Variants in ICE1 observed in about 807,000 individuals in gnomAD.
ICE1 encodes the protein little elongation complex subunit 1.
Under a neutral mutation model 192.7 loss-of-function variants are expected in ICE1, and 64 were observed. The ratio of observed to expected loss-of-function variants is 0.33; its 90% CI spans 0.27 to 0.41. The LOEUF is 0.41. ICE1 is among the 10% of genes least tolerant of loss of function. The pLI is 1.00. For missense variants in ICE1, 2,708 were observed against 2,696.0 expected (o/e 1.00, Z -0.10); for synonymous variants, 1,010 against 984.5 (o/e 1.03, Z -0.49).
Position 5,461,424 on chromosome 5 carries a change from A to G in ICE1, c.2090A>G (p.Asn697Ser). The G allele has an allele frequency of 6.2e-7, 1 of 1,614,042 alleles. No homozygotes were observed. The highest frequency in any genetic ancestry group is 8.5e-7 in the Non-Finnish European group (1 of 1,179,904). The change falls in exon 13 of 19, where the codon AAC (asparagine) becomes AGC (serine). Residue 697 changes from asparagine to serine, a missense_variant. Physicochemically the swap from Asn to Ser is conservative, Grantham distance 46. Coordinates refer to ENST00000296564, the MANE Select transcript of ICE1 (RefSeq NM_015325.3). The part of the protein sequence containing the change: ...SEPPECSIGG[N>S]NLENSLCALS... ...CCACCGGAGTGTTCTATAGGAGGAAACAACTTGGAGAATAGCTTGTGTGCC... is the reference window on the plus strand; with the variant it reads ...CCACCGGAGTGTTCTATAGGAGGAAGCAACTTGGAGAATAGCTTGTGTGCC...
rs75343850 is a variant in ICE1, at chr5:5,424,724, G to A, written c.84+1725G>A. ...GGAGTCCTGGAACGTTTATATTGGA[G>A]CAAAGGTGAGAGAATAATAAGCTCT... On this transcript the variant is annotated intron_variant, in intron 1 of 18. Coordinates refer to ENST00000296564, the MANE Select transcript of ICE1 (RefSeq NM_015325.3). Among the ~76,000 whole-genome samples the A allele has an allele frequency of 4.8e-3, 737 of 152,312 alleles. 5 individuals are homozygous for A. The highest frequency in any genetic ancestry group is 0.017 in the African/African-American group (688 of 41,556).
chr5:5,488,424 C>T (rs1398747075), intron 18 of ICE1, among the ~76,000 whole-genome samples: 2 of 152,098 alleles, frequency 1.3e-5, no homozygotes, highest in Admixed American at 6.5e-5. Flanking sequence ...TGAGTATTTC[C>T]TTTGTGGGTC....
At chr5:5,441,006 CT>C (rs1033919195) in intron 4 of ICE1, 105 bp from the exon 5 acceptor site, 234 of 666,744 alleles carry the variant, frequency 3.5e-4, no homozygotes, top group South Asian at 5.2e-4. Context: ...CTTTTTCATC[CT>C]TTTTTTTGTT....
intron 18 of ICE1, 118 bp downstream of exon 18, chr5:5,486,937 A>G (rs1286534457): frequency 1.4e-5 from 9 of 624,700 alleles, no homozygotes; most frequent in East Asian, 5.8e-5. Flanking sequence ...CTCATAGATT[A>G]GGGAATATTT....
chr5:5,456,566 G>T (rs548670990), intron 11 of ICE1, among the ~76,000 whole-genome samples: 83 of 152,050 alleles, frequency 5.5e-4, no homozygotes, highest in Non-Finnish European at 8.5e-4. Context: ...TTGGCTCTGG[G>T]TCCTTCATAA....
chr5:5,470,321 C>A (rs1739123157), intron 15 of ICE1, among the ~76,000 whole-genome samples: 1 of 152,216 alleles, frequency 6.6e-6, no homozygotes, highest in South Asian at 2.1e-4. Context: ...TCTGTCCAGC[C>A]TGCTTCTGCT....
intron 10 of ICE1, among the ~76,000 whole-genome samples, chr5:5,448,123 G>T (rs530039596): frequency 6.6e-6 from 1 of 152,244 alleles, no homozygotes; most frequent in Middle Eastern, 3.4e-3. Context: ...TATTGTTTGG[G>T]ATAGGAAAAC....
intron 15 of ICE1, 73 bp from the exon 16 acceptor site, chr5:5,473,485 C>G: frequency 7.7e-7 from 1 of 1,302,254 alleles, no homozygotes; most frequent in Non-Finnish European, 1.1e-6. Flanking sequence ...TTATTATAGT[C>G]TTTTAGATAA....
rs541618073 is a variant in ICE1, at chr5:5,449,455, C to T, written c.604+1558C>T. 5.8e-4 allele frequency among the ~76,000 whole-genome samples: 87 copies of T among 148,864 alleles called. 2 individuals carry two copies. The highest frequency in any genetic ancestry group is 1.7e-3 in the African/African-American group (70 of 40,860). ...TCTTTAAAATTCCAACAAAAATTTTCGACCGGAAAAAAAAAAAACAAAAAC... is the reference window on the plus strand; with the variant it reads ...TCTTTAAAATTCCAACAAAAATTTTTGACCGGAAAAAAAAAAAACAAAAAC... On this transcript the variant is annotated intron_variant, in intron 10 of 18. Coordinates refer to ENST00000296564, the MANE Select transcript of ICE1 (RefSeq NM_015325.3).
chr5:5,423,325 C>T (rs971133230), intron 1 of ICE1, among the ~76,000 whole-genome samples: 1 of 152,080 alleles, frequency 6.6e-6, no homozygotes, highest in Non-Finnish European at 1.5e-5. Context: ...CTCCGTAGGT[C>T]AGTGAGGGAC....
chr5:5,486,212 C>T (rs1038983824), intron 17 of ICE1, among the ~76,000 whole-genome samples: 1 of 152,160 alleles, frequency 6.6e-6, no homozygotes, highest in Non-Finnish European at 1.5e-5. Context: ...GAATAACTCC[C>T]ATTTAGCGAG....
At chr5:5,424,372 G>GT (rs1554012204) in intron 1 of ICE1, among the ~76,000 whole-genome samples, 3 of 151,668 alleles carry the variant, frequency 2.0e-5, no homozygotes, top group Admixed American at 2.0e-4. Context: ...ATCTTATAAC[G>GT]CCCCCCCGCC....
Position 5,450,914 on chromosome 5 carries a change from G to A in ICE1, c.604+3017G>A, listed in dbSNP as rs184339182. 2.0e-3 allele frequency among the ~76,000 whole-genome samples: 299 copies of A among 152,230 alleles called. 1 individual carries two copies. The highest frequency in any genetic ancestry group is 6.5e-3 in the African/African-American group (270 of 41,546). ...GAGACTTCACAATGTTTTTTAGAAAGAGAGAGCAAAAGCAGACAAGGGATG... is the reference window on the plus strand; with the variant it reads ...GAGACTTCACAATGTTTTTTAGAAAAAGAGAGCAAAAGCAGACAAGGGATG... On this transcript the variant is annotated intron_variant, in intron 10 of 18. Transcript: ENST00000296564.
chr5:5,447,946 G>T, intron 10 of ICE1, 49 bp downstream of exon 10: 1 of 1,415,522 alleles, frequency 7.1e-7, no homozygotes. Flanking sequence ...GCTCTTAGTG[G>T]GTTGTGAGAC....
chr5:5,474,429 G>A (rs1318977095), intron 16 of ICE1, among the ~76,000 whole-genome samples: 3 of 152,098 alleles, frequency 2.0e-5, no homozygotes, highest in Non-Finnish European at 4.4e-5. Context: ...CCTGGCGAAT[G>A]TATGTTGAAT....
chr5:5,457,691 C>T lies in ICE1; in HGVS notation c.1051C>T (p.Pro351Ser). ...TCTTCTGTCACCAGTGCCCTCGCCC[C>T]CTCCGATGTCATCACCTCACCCGGG... Reference protein sequence around the residue: ...PPLLSPVPSPPPMSSPHPGSL... With the variant: ...PPLLSPVPSPSPMSSPHPGSL... Residue 351 changes from proline (P) to serine (S), a missense_variant, in exon 12 of 19, where the codon CCT (proline) becomes TCT (serine). Physicochemically the swap from Pro to Ser is moderately conservative, Grantham distance 74. Around this residue, in one of 2 missense-constraint regions of ICE1, gnomAD observed 2,366 missense variants for 2,276.6 expected, o/e 1.04. Transcript: ENST00000296564. The T allele has an allele frequency of 6.2e-7, 1 of 1,613,856 alleles. No individual in the cohort carries two copies. The highest frequency in any genetic ancestry group is 8.5e-7 in the Non-Finnish European group (1 of 1,179,824).
At chr5:5,428,235 A>G (rs186190334) in intron 1 of ICE1, among the ~76,000 whole-genome samples, 1 of 152,206 alleles carries the variant, frequency 6.6e-6, no homozygotes, top group East Asian at 1.9e-4. Context: ...AGAGGTGGAC[A>G]TTCCTGCCTT....
At chr5:5,465,833 G>A (rs565907592) in intron 13 of ICE1, among the ~76,000 whole-genome samples, 3 of 152,246 alleles carry the variant, frequency 2.0e-5, no homozygotes, top group African/African-American at 4.8e-5. Context: ...AGCTCCGTAA[G>A]TCACTTTGAA....
chr5:5,444,216 G>T, intron 6 of ICE1, 73 bp from the exon 7 acceptor site: 1 of 916,846 alleles, frequency 1.1e-6, no homozygotes. Flanking sequence ...AAAAATATGT[G>T]CCACAAATTA....
Sources: gnomAD v4.1 joint callset for allele counts (sites outside exome capture counted in the v4.1 genomes callset) on GRCh38, gnomAD v4.1.1 for gene constraint, gnomAD v4.1.1 regional missense constraint, MANE v1.5 for transcripts, NCBI Gene and HGNC (gene_info 2026-07-23, HGNC 2026-07-21) for gene names.